Variants in SI observed in about 807,000 individuals in gnomAD.
The protein encoded by SI is sucrase-isomaltase, intestinal.
In SI, 235 loss-of-function variants were observed where a neutral mutation model predicts 253.3. The ratio of observed to expected loss-of-function variants is 0.93; its 90% confidence interval spans 0.83 to 1.03. The LOEUF is 1.03. Ranked by LOEUF, SI falls within the 50% of genes least tolerant of loss-of-function variation. The pLI is 0.00. For synonymous variants in SI, 819 were observed against 712.0 expected, an observed-to-expected ratio of 1.15 and a Z score of -2.39; for missense variants, 2,442 against 2,211.1, an observed-to-expected ratio of 1.10 and a Z score of -2.09.
At chr3:165,034,413 C>T (rs191029412) in intron 22 of SI, among the ~76,000 whole-genome samples, 1 of 151,992 alleles carries the variant, frequency 6.6e-6, no homozygotes, top group Non-Finnish European at 1.5e-5. Context: ...CTTATAATTG[C>T]TCCACACATG....
intron 16 of SI, among the ~76,000 whole-genome samples, chr3:165,043,669 A>G (rs1414700293): frequency 6.6e-6 from 1 of 152,062 alleles, no homozygotes; most frequent in African/African-American, 2.4e-5. Context: ...AGACTGCATT[A>G]TCCTTATTCA....
chr3:165,028,045 C>CAG (rs1712021299), intron 25 of SI, among the ~76,000 whole-genome samples: 1 of 151,344 alleles, frequency 6.6e-6, no homozygotes, highest in Non-Finnish European at 1.5e-5. Context: ...ACCCTAAAGA[C>CAG]TCCTCCAAAA....
At chr3:165,015,496 G>T (rs986599192) in intron 32 of SI, among the ~76,000 whole-genome samples, 2 of 151,986 alleles carry the variant, frequency 1.3e-5, no homozygotes, top group African/African-American at 2.4e-5. Flanking sequence ...TATTTCTATG[G>T]TGAGATATCT....
chr3:165,030,626 C>T, intron 25 of SI, 86 bp downstream of exon 25: 1 of 1,370,788 alleles, frequency 7.3e-7, no homozygotes, highest in Non-Finnish European at 1.0e-6. Context: ...TTATATGCTG[C>T]AGATTTAAAA....
intron 13 of SI, among the ~76,000 whole-genome samples, chr3:165,052,011 A>G (rs188956098): frequency 6.6e-6 from 1 of 151,860 alleles, no homozygotes; most frequent in Non-Finnish European, 1.5e-5. Flanking sequence ...CTGAGGCAAA[A>G]TTTTTTTTCA....
chr3:164,981,521 C>T (rs980570219), intron 47 of SI, among the ~76,000 whole-genome samples: 1 of 151,946 alleles, frequency 6.6e-6, no homozygotes, highest in South Asian at 2.1e-4. Context: ...CAAGTTTAAA[C>T]GATTAAGGGT....
At chr3:165,004,872 T>C (rs1199201486) in intron 37 of SI, among the ~76,000 whole-genome samples, 1 of 152,080 alleles carries the variant, frequency 6.6e-6, no homozygotes, top group Non-Finnish European at 1.5e-5. Context: ...CCAAATCTCA[T>C]CAGGGATTGC....
intron 17 of SI, 40 bp from the exon 18 acceptor site, chr3:165,041,134 GTA>G: frequency 6.3e-7 from 1 of 1,585,034 alleles, no homozygotes; most frequent in Non-Finnish European, 8.7e-7. Context: ...GAAAGCTAAA[GTA>G]TGAGTGAAAA....
chr3:165,025,327 C>T (rs1016945091), intron 25 of SI, among the ~76,000 whole-genome samples: 4 of 151,074 alleles, frequency 2.6e-5, no homozygotes, highest in African/African-American at 7.3e-5. Context: ...AATATGAACA[C>T]AGCCTGCAAG....
Position 165,043,144 on chromosome 3 carries a change from T to C in SI, c.1919A>G (p.Glu640Gly), listed in dbSNP as rs142789249. 3.1e-4 allele frequency: 495 copies of C among 1,612,208 alleles called. No individual in the cohort carries two copies. Among genetic ancestry groups the C allele is most frequent in the Non-Finnish European group, 3.8e-4 (452 of 1,178,782 alleles). Residue 640 changes from glutamate to glycine, a missense_variant, in exon 17 of 48, where the codon GAA becomes GGA. Glu to Gly is a moderately conservative substitution (Grantham distance 98). Coordinates refer to ENST00000264382, the MANE Select transcript of SI (RefSeq NM_001041.4). ...VGADICGFVA[E>G]TTEELCRRWM... ...TCTTCTGCAAAGTTCTTCTGTGGTT[T>C]CAGCCACAAATCCACAGATGTCTGC...
chr3:165,012,332 C>T (rs1359275188), intron 34 of SI, among the ~76,000 whole-genome samples: 3 of 151,972 alleles, frequency 2.0e-5, no homozygotes, highest in Non-Finnish European at 4.4e-5. Context: ...CAACATTGCC[C>T]CTATAGTTTA....
intron 21 of SI, 107 bp downstream of exon 21, chr3:165,037,793 T>C: frequency 2.5e-6 from 2 of 800,668 alleles, no homozygotes; most frequent in Admixed American, 2.0e-5. Flanking sequence ...GTATGTCAAA[T>C]ATCTTCTGGT....
intron 12 of SI, among the ~76,000 whole-genome samples, chr3:165,058,550 G>A (rs1336268884): frequency 6.6e-6 from 1 of 151,610 alleles, no homozygotes; most frequent in Admixed American, 6.6e-5. Context: ...AAGAAAAAAA[G>A]CAAGGCCCAA....
intron 44 of SI, among the ~76,000 whole-genome samples, chr3:164,988,716 C>T (rs1341219616): frequency 6.6e-6 from 1 of 151,990 alleles, no homozygotes; most frequent in Admixed American, 6.6e-5. Flanking sequence ...AGACAGGGTC[C>T]TCTAGAATTT....
At chr3:165,086,052 G>A in the SI span, among the ~76,000 whole-genome samples, 1 of 152,034 alleles carries the variant, frequency 6.6e-6, no homozygotes, top group Non-Finnish European at 1.5e-5. Flanking sequence ...TCAGGAGTTC[G>A]AGACCAGCCT....
chr3:165,081,602 G>A (rs1361497106), upstream of SI, among the ~76,000 whole-genome samples: 3 of 151,910 alleles, frequency 2.0e-5, no homozygotes, highest in East Asian at 3.9e-4. Flanking sequence ...GACAAAAATC[G>A]AATTTTCACA....
intron 7 of SI, 23 bp downstream of exon 7, chr3:165,065,238 T>A (rs751418770): frequency 6.6e-7 from 1 of 1,503,912 alleles, no homozygotes; most frequent in Non-Finnish European, 9.2e-7. Flanking sequence ...ATTTTATTTA[T>A]AACAAGAAAA....
At chr3:165,073,796 T>C (rs1321434509) in intron 3 of SI, among the ~76,000 whole-genome samples, 1 of 152,122 alleles carries the variant, frequency 6.6e-6, no homozygotes, top group Non-Finnish European at 1.5e-5. Context: ...ATTTACATGG[T>C]ATTAGAGTTA....
chr3:165,017,860 C>G lies in SI; in HGVS notation c.3534G>C (p.Gln1178His), dbSNP rs1719116229. 1.2e-6 allele frequency: 2 copies of G among 1,612,444 alleles called. No individual in the cohort carries two copies. Among genetic ancestry groups the G allele is most frequent in the Non-Finnish European group, 1.7e-6 (2 of 1,178,872 alleles). The change falls in exon 30 of 48, where the codon CAG becomes CAC. Residue 1178 changes from glutamine (Q) to histidine (H), a missense_variant. Gln to His is a conservative substitution (Grantham distance 24). Coordinates refer to ENST00000264382, the MANE Select transcript of SI (RefSeq NM_001041.4). ...LNSNAMDVTF[Q>H]PTPALTYRTV... Reference sequence around the variant, plus strand: ...TACGGTAAGTTAGAGCAGGAGTTGGCTGGAATGTAACATCTGGAAATCCAA... The same window carrying G: ...TACGGTAAGTTAGAGCAGGAGTTGGGTGGAATGTAACATCTGGAAATCCAA...
Sources: gnomAD v4.1 joint callset for allele counts (sites outside exome capture counted in the v4.1 genomes callset) on GRCh38, gnomAD v4.1.1 for gene constraint, MANE v1.5 for transcripts, NCBI Gene and HGNC (gene_info 2026-07-23, HGNC 2026-07-21) for gene names.